HS6ST3: variants seen among roughly 807,000 people sequenced by gnomAD.
HS6ST3 encodes heparan-sulfate 6-O-sulfotransferase 3.
Under a neutral mutation model 36.7 loss-of-function variants are expected in HS6ST3, and 12 were observed. The observed-to-expected ratio is 0.33, with a 90% confidence interval of 0.21 to 0.53. The LOEUF (loss-of-function observed/expected upper bound fraction) is 0.53, where lower values mean the gene tolerates loss of function less well. Ranked by LOEUF, HS6ST3 falls within the 20% of genes least tolerant of loss-of-function variation. The probability of loss-of-function intolerance (pLI) is 0.95; values close to 1 mark genes in which losing one functional copy is unlikely to be tolerated. For synonymous variants in HS6ST3, 240 were observed against 257.5 expected, an observed-to-expected ratio of 0.93 and a Z score of 0.65; for missense variants, 584 against 640.9, an observed-to-expected ratio of 0.91 and a Z score of 0.96.
At chr13:96,761,414 C>T (rs183859254) in intron 1 of HS6ST3, among the ~76,000 whole-genome samples, 127 of 152,002 alleles carry the variant, frequency 8.4e-4, no homozygotes, top group African/African-American at 2.7e-3. Flanking sequence ...TGTTGGGTTA[C>T]GTATCTCCTA....
chr13:96,254,600 C>A (rs1319870850), intron 1 of HS6ST3, among the ~76,000 whole-genome samples: 1 of 150,046 alleles, frequency 6.7e-6, no homozygotes, highest in African/African-American at 2.5e-5. Flanking sequence ...AAAAGCCTGG[C>A]CCTTTACAAA....
Position 96,112,578 on chromosome 13 carries a change from A to AATATACATATATATATATATATAT in HS6ST3, c.707+21014_707+21015insCATATATATATATATATATATATA, listed in dbSNP as rs397773858. On this transcript the variant is annotated intron_variant, in intron 1 of 1. Transcript: ENST00000376705. ...TAAAACCCCATCTCTAAAATAAATA[A>AATATACATATATATATATATATAT]ATATATATATATATATATATATATA... Among the ~76,000 whole-genome samples the AATATACATATATATATATATATAT allele has an allele frequency of 1.8e-3, 148 of 81,232 alleles. 53 individuals are homozygous for AATATACATATATATATATATATAT. The highest frequency in any genetic ancestry group is 0.012 in the Middle Eastern group (2 of 166). 53.3% of individuals were successfully genotyped at this position (81,232 alleles called of 152,430 possible). A position where few individuals can be genotyped will look rare whatever the true frequency, so the allele number is the denominator to read the frequency against.
At chr13:96,118,690 T>TATATATA (rs2053910118) in intron 1 of HS6ST3, among the ~76,000 whole-genome samples, 1 of 31,096 alleles carries the variant, frequency 3.2e-5, no homozygotes, top group Non-Finnish European at 5.3e-5. Context: ...ATATATATAT[T>TATATATA]TTTTTTTTTT....
chr13:96,717,936 G>A (rs184110465), intron 1 of HS6ST3, among the ~76,000 whole-genome samples: 161 of 152,102 alleles, frequency 1.1e-3, no homozygotes, highest in African/African-American at 3.5e-3. Flanking sequence ...CCAGATTTTC[G>A]CGCACTGAGG....
chr13:96,312,124 C>T lies in HS6ST3; in HGVS notation c.707+220555C>T, dbSNP rs538541588. ...CACTGCATAATCTGAACCAACACTG[C>T]CTTTTGGCTTCTTTAGATTTTGTTC... On this transcript the variant is annotated intron_variant, in intron 1 of 1. Transcript: ENST00000376705. Among the ~76,000 whole-genome samples, 22 of 152,258 alleles carry T rather than the reference C, an allele frequency of 1.4e-4. No individual in the cohort carries two copies. In the South Asian group the frequency reaches 4.6e-3, roughly 32 times the overall value.
intron 1 of HS6ST3, among the ~76,000 whole-genome samples, chr13:96,463,956 T>A (rs1373719327): frequency 1.3e-5 from 2 of 151,386 alleles, no homozygotes; most frequent in African/African-American, 4.8e-5. Flanking sequence ...ACTTTTGGAT[T>A]TCTTAAGAAA....
intron 1 of HS6ST3, among the ~76,000 whole-genome samples, chr13:96,572,018 A>G (rs759604756): frequency 2.0e-5 from 3 of 152,242 alleles, no homozygotes; most frequent in Non-Finnish European, 2.9e-5. Flanking sequence ...ATTAGAGCTC[A>G]TCTAGCCTAA....
At chr13:96,206,702 A>G (rs1392825070) in intron 1 of HS6ST3, among the ~76,000 whole-genome samples, 2 of 152,178 alleles carry the variant, frequency 1.3e-5, no homozygotes, top group African/African-American at 4.8e-5. Context: ...AAAACAAGCA[A>G]TGGGGAAAGG....
chr13:96,119,343 GTGA>G (rs1389335717), intron 1 of HS6ST3, among the ~76,000 whole-genome samples: 3 of 151,996 alleles, frequency 2.0e-5, no homozygotes, highest in Non-Finnish European at 2.9e-5. Context: ...AAAAAACAGA[GTGA>G]TGTTTTACTC....
In HS6ST3 at chr13:96,174,580, T is replaced by A. The variant is rs149304510; in HGVS notation, c.707+83011T>A. Among the ~76,000 whole-genome samples, 891 of 152,246 alleles carry A rather than the reference T, an allele frequency of 5.9e-3. 9 individuals are homozygous for A. Among genetic ancestry groups the A allele is most frequent in the African/African-American group, 0.021 (860 of 41,536 alleles). On this transcript the variant is annotated intron_variant, in intron 1 of 1. Transcript: ENST00000376705. ...GATCTTTGGTTGGGGTTCCTAACTT[T>A]AAATGTATACCTATATACAACTTTC... is the stretch of plus-strand genomic sequence containing the variant.
chr13:96,572,788 A>G (rs1222432174), intron 1 of HS6ST3, among the ~76,000 whole-genome samples: 1 of 152,180 alleles, frequency 6.6e-6, no homozygotes, highest in African/African-American at 2.4e-5. Context: ...TTCAAGACAC[A>G]AGGGCAATAT....
At chr13:96,559,450 A>G (rs1422555835) in intron 1 of HS6ST3, among the ~76,000 whole-genome samples, 1 of 152,200 alleles carries the variant, frequency 6.6e-6, no homozygotes, top group Non-Finnish European at 1.5e-5. Flanking sequence ...CAATAAAGCT[A>G]CATATCTTCC....
At chr13:96,646,595 G>T (rs1019535213) in intron 1 of HS6ST3, among the ~76,000 whole-genome samples, 7 of 152,022 alleles carry the variant, frequency 4.6e-5, no homozygotes, top group African/African-American at 1.7e-4. Flanking sequence ...TCAATTAGGT[G>T]AATCTGAAAG....
intron 1 of HS6ST3, among the ~76,000 whole-genome samples, chr13:96,276,981 C>G (rs759892732): frequency 2.0e-5 from 3 of 152,162 alleles, no homozygotes; most frequent in Non-Finnish European, 4.4e-5. Context: ...TAAATACTGC[C>G]AAGAGAGTAG....
chr13:96,660,939 G>A (rs982769732), intron 1 of HS6ST3, among the ~76,000 whole-genome samples: 5 of 152,160 alleles, frequency 3.3e-5, no homozygotes, highest in African/African-American at 1.2e-4. Flanking sequence ...GGTGGAAGAA[G>A]CAGACTTGCT....
intron 1 of HS6ST3, among the ~76,000 whole-genome samples, chr13:96,368,280 G>A (rs2055273266): frequency 6.6e-6 from 1 of 152,120 alleles, no homozygotes; most frequent in Non-Finnish European, 1.5e-5. Context: ...TGAAGATAGG[G>A]TACCTGTAAA....
At chr13:96,529,440 G>A (rs1052831964) in intron 1 of HS6ST3, among the ~76,000 whole-genome samples, 1 of 152,050 alleles carries the variant, frequency 6.6e-6, no homozygotes, top group African/African-American at 2.4e-5. Flanking sequence ...GGTAGAACCT[G>A]AAATTTACTG....
At chr13:96,377,267 A>T (rs1254428780) in intron 1 of HS6ST3, among the ~76,000 whole-genome samples, 1 of 151,454 alleles carries the variant, frequency 6.6e-6, no homozygotes, top group Non-Finnish European at 1.5e-5. Context: ...AGGTGGGAGG[A>T]TTGCTTGTGC....
chr13:96,174,195 C>T (rs1274370860), intron 1 of HS6ST3, among the ~76,000 whole-genome samples: 1 of 152,106 alleles, frequency 6.6e-6, no homozygotes, highest in Non-Finnish European at 1.5e-5. Context: ...TACATAAAGA[C>T]TATACAGCTT....
Sources: gnomAD v4.1 joint callset for allele counts (sites outside exome capture counted in the v4.1 genomes callset) on GRCh38, gnomAD v4.1.1 for gene constraint, MANE v1.5 for transcripts, NCBI Gene and HGNC (gene_info 2026-07-23, HGNC 2026-07-21) for gene names.